TRIM44: variants seen among roughly 807,000 people sequenced by gnomAD.
The protein encoded by TRIM44 is tripartite motif containing 44.
In TRIM44, 13 loss-of-function variants were observed where a neutral mutation model predicts 37.4. That is an observed-to-expected ratio of 0.35 (90% confidence interval 0.23 to 0.55). The LOEUF is 0.55. TRIM44 is among the 20% of genes least tolerant of loss of function. TRIM44 has a pLI of 0.89. For missense variants in TRIM44, 426 were observed against 437.2 expected (o/e 0.97, Z 0.23); for synonymous variants, 175 against 157.2 (o/e 1.11, Z -0.85).
intron 4 of TRIM44, among the ~76,000 whole-genome samples, chr11:35,760,790 A>G (rs1427879478): frequency 1.3e-5 from 2 of 152,220 alleles, no homozygotes; most frequent in Admixed American, 1.3e-4. Context: ...ATCATTTTTT[A>G]TAGTGAGAGC....
At position 35,709,141 on chromosome 11, in the gene TRIM44, T is replaced by C. The variant is rs577744194; in HGVS notation, c.748-16783T>C. On this transcript the variant is annotated intron_variant, in intron 2 of 4. Coordinates refer to ENST00000299413, the MANE Select transcript of TRIM44 (RefSeq NM_017583.6). ...GGGGATAGTAACTAAGCTGAAAGAT[T>C]AGCAGATTTAATTTTTGGAGGCTCT... is the stretch of plus-strand genomic sequence containing the variant. Among the ~76,000 whole-genome samples the C allele has an allele frequency of 7.2e-5, 11 of 152,280 alleles. No individual in the cohort carries two copies. The East Asian group carries it at 1.4e-3, about 19-fold the overall frequency.
At chr11:35,796,262 C>T (rs887440799) in intron 4 of TRIM44, among the ~76,000 whole-genome samples, 3 of 148,938 alleles carry the variant, frequency 2.0e-5, no homozygotes, top group East Asian at 2.0e-4. Context: ...CTCGCTCGCT[C>T]GCTGTCACAC....
chr11:35,724,005 C>T (rs895374952), intron 2 of TRIM44, among the ~76,000 whole-genome samples: 1 of 152,118 alleles, frequency 6.6e-6, no homozygotes, highest in African/African-American at 2.4e-5. Flanking sequence ...ACAGAATTTA[C>T]AGGGACATTA....
chr11:35,768,680 T>TAA (rs1852828113), intron 4 of TRIM44, among the ~76,000 whole-genome samples: 1 of 152,234 alleles, frequency 6.6e-6, no homozygotes. Context: ...TGCTTACAGT[T>TAA]AACTGTTTTT....
intron 4 of TRIM44, among the ~76,000 whole-genome samples, chr11:35,797,676 T>C (rs781455750): frequency 1.4e-4 from 21 of 152,136 alleles, no homozygotes; most frequent in Admixed American, 6.5e-5. Flanking sequence ...CAGCTTCCGA[T>C]TGAGGGACAT....
chr11:35,682,574 A>G (rs932243142), intron 1 of TRIM44, among the ~76,000 whole-genome samples: 2 of 152,220 alleles, frequency 1.3e-5, no homozygotes, highest in Non-Finnish European at 2.9e-5. Flanking sequence ...GAGACTGAGT[A>G]TAGCAGGCTC....
At chr11:35,690,074 G>A (rs1246678269) in intron 2 of TRIM44, among the ~76,000 whole-genome samples, 2 of 152,094 alleles carry the variant, frequency 1.3e-5, no homozygotes, top group African/African-American at 4.8e-5. Flanking sequence ...ACATTGTTCT[G>A]TGTGACTGGA....
intron 4 of TRIM44, among the ~76,000 whole-genome samples, chr11:35,796,552 A>G (rs1853292919): frequency 6.6e-6 from 1 of 152,178 alleles, no homozygotes; most frequent in Non-Finnish European, 1.5e-5. Context: ...CTGAAGGTAC[A>G]GGAAGCAGGG....
rs1853477580 is a variant in TRIM44 at position 35,808,051 on chromosome 11, G to A, written c.*1666G>A. The A allele has an allele frequency of 6.6e-6, 1 of 151,944 alleles. No individual in the cohort carries two copies. Among genetic ancestry groups the A allele is most frequent in the South Asian group, 2.1e-4 (1 of 4,814 alleles). 9.4% of individuals were successfully genotyped at this position (151,944 alleles called of 1,614,324 possible). A position where few individuals can be genotyped will look rare whatever the true frequency, so the allele number is the denominator to read the frequency against. On this transcript the variant is annotated 3_prime_UTR_variant, in exon 5 of 5. Coordinates refer to ENST00000299413, the MANE Select transcript of TRIM44 (RefSeq NM_017583.6). The stretch of plus-strand genomic sequence containing the variant: ...CAGAAACAATACTTGTTTACTGTAG[G>A]AATCCTATTTATATTATTTTTCAGT...
chr11:35,792,111 A>G (rs2942381), intron 4 of TRIM44, among the ~76,000 whole-genome samples: 1 of 114,298 alleles, frequency 8.7e-6, no homozygotes, highest in Non-Finnish European at 1.8e-5. Flanking sequence ...ACACACACAC[A>G]CTCTCTCTCA....
intron 3 of TRIM44, among the ~76,000 whole-genome samples, chr11:35,727,296 G>A (rs112679311): frequency 8.3e-4 from 127 of 152,264 alleles, no homozygotes; most frequent in African/African-American, 2.9e-3. Context: ...AAAAAACATA[G>A]GAGAGTCCTG....
In TRIM44 at chr11:35,726,101, C is replaced by T; in HGVS notation, c.925C>T (p.Gln309Ter). The T allele has an allele frequency of 6.2e-7, 1 of 1,614,072 alleles. No homozygotes were observed. Among genetic ancestry groups the T allele is most frequent in the Non-Finnish European group, 8.5e-7 (1 of 1,180,010 alleles). The change falls in exon 3 of 5, where the codon CAG becomes TAG. Residue 309 changes from glutamine (Q) to a stop codon, truncating the protein, a stop_gained. Coordinates refer to ENST00000299413, the MANE Select transcript of TRIM44 (RefSeq NM_017583.6). LOFTEE classifies it high-confidence loss of function. ...IQSHMDRLMT[Q>*]MAQAKEQLDT... ...ATCCCACATGGATAGGTTGATGACTCAGATGGCCCAAGCCAAGGAACAACT... is the reference window on the plus strand; with the variant it reads ...ATCCCACATGGATAGGTTGATGACTTAGATGGCCCAAGCCAAGGAACAACT...
intron 2 of TRIM44, among the ~76,000 whole-genome samples, chr11:35,690,450 G>A (rs1851626520): frequency 1.3e-5 from 2 of 152,140 alleles, no homozygotes; most frequent in African/African-American, 2.4e-5. Context: ...TCTTATTATT[G>A]TGTCCTATTG....
chr11:35,726,189 G>GGAAA (rs1192464753), intron 3 of TRIM44, 26 bp downstream of exon 3: 1 of 1,608,476 alleles, frequency 6.2e-7, no homozygotes, highest in Admixed American at 1.7e-5. Context: ...ATAATTATTA[G>GGAAA]TAGCAAGAGA....
At chr11:35,749,610 C>T (rs1017763863) in intron 4 of TRIM44, among the ~76,000 whole-genome samples, 3 of 152,226 alleles carry the variant, frequency 2.0e-5, no homozygotes, top group African/African-American at 2.4e-5. Flanking sequence ...GCTTGAACCG[C>T]GAGGCGGGAT....
chr11:35,710,633 G>A (rs547426590), intron 2 of TRIM44, among the ~76,000 whole-genome samples: 9 of 152,280 alleles, frequency 5.9e-5, no homozygotes, highest in African/African-American at 1.7e-4. Flanking sequence ...ATTTAAGTTG[G>A]TGCCTTCTCC....
In TRIM44 at chr11:35,806,885, A is replaced by G. The variant is rs539422372; in HGVS notation, c.*500A>G. 6.5e-6 allele frequency: 1 copy of G among 153,132 alleles called. No individual in the cohort carries two copies. The highest frequency in any genetic ancestry group is 2.4e-5 in the African/African-American group (1 of 41,588). The allele number at this position is 153,132 out of a possible 1,614,324, so 9.5% of individuals were successfully genotyped here. On this transcript the variant is annotated 3_prime_UTR_variant, in exon 5 of 5. Transcript: ENST00000299413. ...ACAGTCCCTAAAAGTCCAGTTCTACATTTGTGAAAATTGTGGTGCCATGAA... is the reference window on the plus strand; with the variant it reads ...ACAGTCCCTAAAAGTCCAGTTCTACGTTTGTGAAAATTGTGGTGCCATGAA...
chr11:35,680,884 C>G (rs1455647959), intron 1 of TRIM44, among the ~76,000 whole-genome samples: 2 of 151,938 alleles, frequency 1.3e-5, no homozygotes, highest in African/African-American at 4.8e-5. Flanking sequence ...GATGTGTTTG[C>G]ATTTCACATT....
chr11:35,671,855 G>A (rs983739589), intron 1 of TRIM44, among the ~76,000 whole-genome samples: 6 of 152,150 alleles, frequency 3.9e-5, no homozygotes, highest in African/African-American at 1.4e-4. Flanking sequence ...TTTGTGGGTC[G>A]AAGTTTGAAC....
Sources: allele counts gnomAD v4.1 joint callset (sites outside exome capture counted in the v4.1 genomes callset), GRCh38; gene constraint gnomAD v4.1.1; transcripts MANE v1.5; gene names NCBI Gene and HGNC (gene_info 2026-07-23, HGNC 2026-07-21).